Variants in RBM34 observed in about 807,000 individuals in gnomAD.
RBM34 encodes RNA-binding protein 34.
RBM34 carries 39 observed loss-of-function variants against 44.6 expected under a neutral mutation model. The observed-to-expected ratio is 0.87, with a 90% CI of 0.68 to 1.14. The LOEUF (loss-of-function observed/expected upper bound fraction) is 1.14, where lower values mean the gene tolerates loss of function less well. Ranked by LOEUF, RBM34 falls within the 50% of genes most tolerant of loss-of-function variation. The pLI, the probability that RBM34 is intolerant of heterozygous loss-of-function variation, is 0.00. For synonymous variants in RBM34, 194 were observed against 184.0 expected (o/e 1.05, Z -0.44); for missense variants, 572 against 517.9 (o/e 1.10, Z -1.01).
intron 6 of RBM34, among the ~76,000 whole-genome samples, chr1:235,140,228 C>T (rs559037506): frequency 2.6e-4 from 39 of 152,350 alleles, no homozygotes; most frequent in African/African-American, 8.9e-4. Flanking sequence ...TGTGGGAGCC[C>T]GTTTCTGGGC....
Position 235,149,097 on chromosome 1 carries a change from G to T in RBM34, c.658-650C>A, listed in dbSNP as rs556019097. On this transcript the variant is annotated intron_variant, in intron 5 of 10. Coordinates refer to ENST00000408888, the MANE Select transcript of RBM34 (RefSeq NM_015014.4). ...CGACGATGAAAGACACATGAAAAAT[G>T]TAAGGAAAAGGCCGGGCGCGGTGGC... Among the ~76,000 whole-genome samples, 3 of 151,872 alleles carry T rather than the reference G, an allele frequency of 2.0e-5. No homozygotes were observed. The East Asian group carries it at 5.9e-4, about 30-fold the overall frequency.
At chr1:235,140,091 C>G (rs970328337) in intron 6 of RBM34, among the ~76,000 whole-genome samples, 1 of 152,258 alleles carries the variant, frequency 6.6e-6, no homozygotes, top group African/African-American at 2.4e-5. Context: ...CAAAGCCCCA[C>G]CTGGATTCTT....
Position 235,138,190 on chromosome 1 carries a change from A to G in RBM34, c.702-16T>C. On this transcript the variant is annotated splice_polypyrimidine_tract_variant and intron_variant, in intron 6 of 10. Coordinates refer to ENST00000408888, the MANE Select transcript of RBM34 (RefSeq NM_015014.4). ...AATTTTACGTCTACACCAAAAAAAA[A>G]AAAAGAAAGAAAGAAAAGAGAGACA... The G allele has an allele frequency of 1.3e-6, 2 of 1,554,412 alleles. No homozygotes were observed. Among genetic ancestry groups the G allele is most frequent in the South Asian group, 2.4e-5 (2 of 83,692 alleles).
chr1:235,139,694 G>A (rs1210665869), intron 6 of RBM34, among the ~76,000 whole-genome samples: 1 of 152,150 alleles, frequency 6.6e-6, no homozygotes, highest in Non-Finnish European at 1.5e-5. Flanking sequence ...GAAGAAACCA[G>A]ATAACCCACA....
chr1:235,139,312 A>T (rs757729747), intron 6 of RBM34, among the ~76,000 whole-genome samples: 2 of 152,192 alleles, frequency 1.3e-5, no homozygotes, highest in South Asian at 4.1e-4. Context: ...ACACTATACT[A>T]ATGCTTTTGT....
At chr1:235,152,887 G>A in intron 4 of RBM34, 122 bp from the exon 5 acceptor site, 3 of 617,826 alleles carry the variant, frequency 4.9e-6, no homozygotes, top group South Asian at 2.2e-5. Context: ...TTTTTTTTTT[G>A]AGACAGAGTC....
At chr1:235,146,646 A>G (rs536687546) in intron 6 of RBM34, among the ~76,000 whole-genome samples, 12 of 152,228 alleles carry the variant, frequency 7.9e-5, no homozygotes, top group African/African-American at 2.6e-4. Context: ...TTTGAGACAG[A>G]GTCTAGCTCT....
At chr1:235,152,639 T>C in intron 5 of RBM34, 67 bp downstream of exon 5, 5 of 1,571,322 alleles carry the variant, frequency 3.2e-6, no homozygotes, top group Middle Eastern at 3.5e-4. Context: ...CTAACAGCAA[T>C]AAGTTCATCT....
intron 10 of RBM34, among the ~76,000 whole-genome samples, chr1:235,134,887 G>C (rs1661351039): frequency 6.6e-6 from 1 of 151,820 alleles, no homozygotes; most frequent in East Asian, 1.9e-4. Flanking sequence ...TGGGATTACA[G>C]GCATGTGCCA....
chr1:235,145,959 ACAG>A (rs1402962494), intron 6 of RBM34, among the ~76,000 whole-genome samples: 1 of 139,466 alleles, frequency 7.2e-6, no homozygotes, highest in Non-Finnish European at 1.5e-5. Context: ...CTAAAATATT[ACAG>A]CAGGTTTTTT....
rs1553275333 is a variant in RBM34 at position 235,155,841 on chromosome 1, A to ATATACG, written c.366-730_366-729insCGTATA. 3.0e-3 allele frequency among the ~76,000 whole-genome samples: 75 copies of ATATACG among 25,354 alleles called. 2 individuals carry two copies. Among genetic ancestry groups the ATATACG allele is most frequent in the African/African-American group, 0.013 (69 of 5,400 alleles). The allele number at this position is 25,354 out of a possible 152,430, so 16.6% of individuals were successfully genotyped here. Reference sequence around the variant, plus strand: ...CATATACATATATATATATATATATATATATATATATATATATATATATAT... The same window carrying ATATACG: ...CATATACATATATATATATATATATATATACGTATATATATATATATATATATATAT... On this transcript the variant is annotated intron_variant, in intron 3 of 10. Coordinates refer to ENST00000408888, the MANE Select transcript of RBM34 (RefSeq NM_015014.4).
At chr1:235,138,598 G>A (rs1023493684) in intron 6 of RBM34, among the ~76,000 whole-genome samples, 3 of 152,124 alleles carry the variant, frequency 2.0e-5, no homozygotes, top group Admixed American at 2.0e-4. Flanking sequence ...ATTAACAACA[G>A]CTCAACGTGC....
chr1:235,141,624 A>C (rs1661685893), intron 6 of RBM34, among the ~76,000 whole-genome samples: 2 of 152,114 alleles, frequency 1.3e-5, no homozygotes, highest in South Asian at 4.1e-4. Context: ...TCTTTGCAAT[A>C]AATCTTGCTA....
intron 4 of RBM34, among the ~76,000 whole-genome samples, chr1:235,154,201 G>A (rs1027325055): frequency 2.0e-5 from 3 of 149,154 alleles, no homozygotes; most frequent in African/African-American, 7.4e-5. Flanking sequence ...AACAGAGATC[G>A]CGCCACTGCA....
At chr1:235,148,518 A>C in intron 5 of RBM34, 71 bp from the exon 6 acceptor site, 2 of 1,206,506 alleles carry the variant, frequency 1.7e-6, no homozygotes, top group Non-Finnish European at 2.3e-6. Context: ...TTTTAAGTGA[A>C]GTCTAAGTAT....
chr1:235,155,867 A>C (rs1662417141), intron 3 of RBM34, among the ~76,000 whole-genome samples: 2 of 31,216 alleles, frequency 6.4e-5, no homozygotes, highest in Admixed American at 7.8e-4. Flanking sequence ...ATATATATAT[A>C]CATATATACT....
chr1:235,145,541 G>A (rs1661868379), intron 6 of RBM34, among the ~76,000 whole-genome samples: 1 of 152,112 alleles, frequency 6.6e-6, no homozygotes, highest in South Asian at 2.1e-4. Flanking sequence ...GCATCCCAAA[G>A]TGCTGGGATT....
At chr1:235,147,538 A>C (rs557474284) in intron 6 of RBM34, among the ~76,000 whole-genome samples, 41 of 152,180 alleles carry the variant, frequency 2.7e-4, no homozygotes, top group Non-Finnish European at 4.7e-4. Context: ...CTCAGCAAAC[A>C]CTGTGGGAAT....
chr1:235,160,974 G>A lies in RBM34; in HGVS notation c.147C>T (p.Ser49=). The part of the protein sequence containing the change: ...ASSLFRGEHH[S]RGGTGRLASL... ...ACGCCAGCCGACCGGTGCCACCTCT[G>A]GAATGGTGTTCGCCGCGAAATAAGC... The change falls in exon 2 of 11, where the codon TCC becomes TCT. Residue 49 remains serine, a synonymous_variant. Coordinates refer to ENST00000408888, the MANE Select transcript of RBM34 (RefSeq NM_015014.4). The A allele has an allele frequency of 1.2e-6, 2 of 1,614,146 alleles. No individual in the cohort carries two copies. The highest frequency in any genetic ancestry group is 2.2e-5 in the South Asian group (2 of 91,086).
Sources: allele counts gnomAD v4.1 joint callset (sites outside exome capture counted in the v4.1 genomes callset), GRCh38; gene constraint gnomAD v4.1.1; transcripts MANE v1.5; gene names NCBI Gene and HGNC (gene_info 2026-07-23, HGNC 2026-07-21).